The following COL15A1 variants were observed in gnomAD, a reference collection of about 807,000 sequenced individuals.
COL15A1 encodes collagen type XV alpha 1 chain, also known as collagen alpha-1(XV) chain.
A neutral mutation model predicts 165.9 loss-of-function variants in COL15A1; 111 were observed. The ratio of observed to expected loss-of-function variants is 0.67; its 90% CI spans 0.57 to 0.78. The LOEUF (loss-of-function observed/expected upper bound fraction) is 0.78, where lower values mean the gene tolerates loss of function less well. Ranked by LOEUF, COL15A1 falls within the 30% of genes least tolerant of loss-of-function variation. COL15A1 has a pLI of 0.00. For synonymous variants in COL15A1, 659 were observed against 674.8 expected (o/e 0.98, Z 0.36); for missense variants, 1,745 against 1,789.7 (o/e 0.98, Z 0.45).
intron 16 of COL15A1, among the ~76,000 whole-genome samples, chr9:99,029,851 G>T (rs544760917): frequency 6.6e-6 from 1 of 152,208 alleles, no homozygotes; most frequent in East Asian, 1.9e-4. Flanking sequence ...CCTGAACCCG[G>T]GAGGCCGGGG....
At chr9:98,994,441 C>T (rs991760594) in intron 5 of COL15A1, among the ~76,000 whole-genome samples, 4 of 152,156 alleles carry the variant, frequency 2.6e-5, no homozygotes, top group African/African-American at 9.7e-5. Context: ...ACTTAGCCTT[C>T]AGGATCCAGT....
chr9:98,951,664 A>G (rs974979511), intron 2 of COL15A1, among the ~76,000 whole-genome samples: 3 of 152,174 alleles, frequency 2.0e-5, no homozygotes, highest in African/African-American at 4.8e-5. Flanking sequence ...TCCTGGGCTC[A>G]AGGGATCCTC....
chr9:99,031,621 GA>G (rs1554689972), intron 16 of COL15A1, among the ~76,000 whole-genome samples: 2 of 152,138 alleles, frequency 1.3e-5, no homozygotes, highest in Non-Finnish European at 1.5e-5. Context: ...TACTCAACTA[GA>G]GTCCCAAAGT....
At chr9:98,987,254 A>T (rs1170066264) in intron 3 of COL15A1, 40 bp from the exon 4 acceptor site, 3 of 1,583,870 alleles carry the variant, frequency 1.9e-6, no homozygotes, top group Non-Finnish European at 2.6e-6. Context: ...CATGCTGTGT[A>T]CGTGCAAACC....
chr9:99,049,956 A>G, intron 30 of COL15A1, 61 bp downstream of exon 30: 1 of 1,608,686 alleles, frequency 6.2e-7, no homozygotes, highest in South Asian at 1.1e-5. Context: ...TTGGAGAAAA[A>G]GATCAGTCTT....
chr9:98,982,269 T>G (rs905871619), intron 2 of COL15A1, among the ~76,000 whole-genome samples: 5 of 152,172 alleles, frequency 3.3e-5, no homozygotes, highest in African/African-American at 1.2e-4. Flanking sequence ...CAGGCACACA[T>G]GACCACACCC....
At chr9:98,968,244 C>T (rs1837988674) in intron 2 of COL15A1, among the ~76,000 whole-genome samples, 3 of 152,240 alleles carry the variant, frequency 2.0e-5, no homozygotes, top group Admixed American at 1.3e-4. Context: ...GGACACAGCA[C>T]ACAGTAAGTA....
At chr9:99,012,390 G>T (rs1034612874) in intron 9 of COL15A1, among the ~76,000 whole-genome samples, 2 of 152,114 alleles carry the variant, frequency 1.3e-5, no homozygotes, top group Non-Finnish European at 2.9e-5. Context: ...CAAACACATT[G>T]TCCTGCAGAA....
At chr9:99,026,075 C>G in intron 16 of COL15A1, 109 bp downstream of exon 16, 2 of 984,356 alleles carry the variant, frequency 2.0e-6, no homozygotes, top group Non-Finnish European at 3.0e-6. Context: ...CCCCTGGCCT[C>G]CTGAAATCCC....
At chr9:99,009,672 A>T (rs1838818447) in intron 9 of COL15A1, among the ~76,000 whole-genome samples, 1 of 152,210 alleles carries the variant, frequency 6.6e-6, no homozygotes, top group Admixed American at 6.5e-5. Flanking sequence ...AGCCAAAGTG[A>T]TACCTCAAAG....
At chr9:99,026,967 T>C (rs1438473466) in intron 16 of COL15A1, among the ~76,000 whole-genome samples, 1 of 152,190 alleles carries the variant, frequency 6.6e-6, no homozygotes, top group Non-Finnish European at 1.5e-5. Flanking sequence ...ATGAAACTTT[T>C]TTCAGACACC....
chr9:98,953,496 A>G (rs141087055), intron 2 of COL15A1, among the ~76,000 whole-genome samples: 9 of 152,178 alleles, frequency 5.9e-5, no homozygotes, highest in African/African-American at 2.2e-4. Context: ...ATACAACCCC[A>G]TCAAACTCAA....
chr9:98,986,578 T>C (rs999332684), intron 3 of COL15A1: 1 of 155,372 alleles, frequency 6.4e-6, no homozygotes, highest in Non-Finnish European at 1.4e-5. Flanking sequence ...TTTTCCCGCC[T>C]TCTAGGCAAT....
At position 98,983,831 on chromosome 9, in the gene COL15A1, A is replaced by C. The variant is rs150185691; in HGVS notation, c.101-1734A>C. Among the ~76,000 whole-genome samples, 965 of 152,326 alleles carry C rather than the reference A, an allele frequency of 6.3e-3. 6 individuals are homozygous for C. Among genetic ancestry groups the C allele is most frequent in the Middle Eastern group, 0.024 (7 of 294 alleles). Reference sequence around the variant, plus strand: ...GCCTGTATGATAGAGGAAGACACTCAGACTTGGAGTGGTTCAGTGACTCAC... The same window carrying C: ...GCCTGTATGATAGAGGAAGACACTCCGACTTGGAGTGGTTCAGTGACTCAC... On this transcript the variant is annotated intron_variant, in intron 2 of 41. Transcript: ENST00000375001.
chr9:98,978,971 C>T (rs1286933403), intron 2 of COL15A1, among the ~76,000 whole-genome samples: 1 of 151,872 alleles, frequency 6.6e-6, no homozygotes, highest in Non-Finnish European at 1.5e-5. Context: ...CATACATTTC[C>T]AACTGATAGC....
intron 21 of COL15A1, 40 bp downstream of exon 21, chr9:99,036,436 C>T (rs1195433254): frequency 1.9e-6 from 3 of 1,604,068 alleles, no homozygotes; most frequent in Admixed American, 3.4e-5. Context: ...ACATATTTTC[C>T]ACCTTTGCCA....
chr9:98,953,512 T>TCCAAC (rs987749078), intron 2 of COL15A1, among the ~76,000 whole-genome samples: 2 of 151,666 alleles, frequency 1.3e-5, no homozygotes, highest in Non-Finnish European at 2.9e-5. Context: ...CTCAACCCAA[T>TCCAAC]CCAACCCAAC....
intron 2 of COL15A1, among the ~76,000 whole-genome samples, chr9:98,970,338 A>G (rs1037780173): frequency 1.3e-5 from 2 of 152,268 alleles, no homozygotes; most frequent in Admixed American, 6.5e-5. Flanking sequence ...TTGTGAAGCC[A>G]GGACCCCAAG....
intron 39 of COL15A1, among the ~76,000 whole-genome samples, chr9:99,063,371 G>A (rs1038727874): frequency 6.6e-6 from 1 of 152,188 alleles, no homozygotes; most frequent in South Asian, 2.1e-4. Flanking sequence ...AGCTGAGTTC[G>A]GGAGTGAGCC....
Sources: allele counts gnomAD v4.1 joint callset (sites outside exome capture counted in the v4.1 genomes callset), GRCh38; gene constraint gnomAD v4.1.1; transcripts MANE v1.5; gene names NCBI Gene and HGNC (gene_info 2026-07-23, HGNC 2026-07-21).